The following DNAH10 variants were observed in gnomAD, a reference collection of about 807,000 sequenced individuals.
DNAH10 encodes axonemal beta dynein heavy chain 10.
Under a neutral mutation model 506.6 loss-of-function variants are expected in DNAH10, and 348 were observed. The ratio of observed to expected loss-of-function variants is 0.69; its 90% CI spans 0.63 to 0.75. The LOEUF (loss-of-function observed/expected upper bound fraction) is 0.75. DNAH10 is among the 30% of genes least tolerant of loss of function. The probability of loss-of-function intolerance (pLI) is 0.00; values close to 1 mark genes in which losing one functional copy is unlikely to be tolerated. For missense variants in DNAH10, 5,179 were observed against 5,787.1 expected, an observed-to-expected ratio of 0.89 and a Z score of 3.41; for synonymous variants, 2,059 against 2,198.6, an observed-to-expected ratio of 0.94 and a Z score of 1.78.
Position 123,928,851 on chromosome 12 carries a change from T to C in DNAH10, c.12306+264T>C. ...ATATCTACGCTACTTTTCATAAACTTCACGGCCCCCCCCCCCACACACAGC... is the reference window on the plus strand; with the variant it reads ...ATATCTACGCTACTTTTCATAAACTCCACGGCCCCCCCCCCCACACACAGC... On this transcript the variant is annotated intron_variant, in intron 70 of 78. Transcript: ENST00000673944. This position sits in a 1 kb window ranked among gnomAD's most constrained non-coding sequence, Gnocchi z 4.9. 2.1e-6 allele frequency: 1 copy of C among 482,642 alleles called. No individual in the cohort carries two copies. The allele number at this position is 482,642 out of a possible 1,614,324, so 29.9% of individuals were successfully genotyped here.
intron 51 of DNAH10, among the ~76,000 whole-genome samples, chr12:123,885,938 G>A (rs1379258624): frequency 6.6e-6 from 1 of 152,094 alleles, no homozygotes; most frequent in African/African-American, 2.4e-5. Flanking sequence ...CTTTATATAG[G>A]AGAGCAATCA....
Position 123,812,576 on chromosome 12 carries a change from C to T in DNAH10, c.3145-588C>T, listed in dbSNP as rs1958983398. 2.0e-5 allele frequency among the ~76,000 whole-genome samples: 3 copies of T among 152,250 alleles called. No individual in the cohort carries two copies. In the South Asian group the frequency reaches 6.2e-4, roughly 32 times the overall value. On this transcript the variant is annotated intron_variant, in intron 19 of 78. Coordinates refer to ENST00000673944, the MANE Select transcript of DNAH10 (RefSeq NM_001372106.1). Reference sequence around the variant, plus strand: ...CAATTTGCCTGAATGTGTGTTTTTTCCTCTGTAAATATGGAAATAAAAGTT... The same window carrying T: ...CAATTTGCCTGAATGTGTGTTTTTTTCTCTGTAAATATGGAAATAAAAGTT...
intron 2 of DNAH10, among the ~76,000 whole-genome samples, chr12:123,770,039 G>A (rs1406093082): frequency 1.3e-5 from 2 of 151,302 alleles, no homozygotes; most frequent in Non-Finnish European, 2.9e-5. Flanking sequence ...TCAGGAGTTC[G>A]AGACTAGCCC....
intron 54 of DNAH10, among the ~76,000 whole-genome samples, chr12:123,896,895 T>C (rs1953275306): frequency 6.6e-6 from 1 of 152,206 alleles, no homozygotes; most frequent in Non-Finnish European, 1.5e-5. Flanking sequence ...GAAATGTACA[T>C]GTGGCACTAA....
chr12:123,886,698 G>A (rs993206774), intron 51 of DNAH10, among the ~76,000 whole-genome samples: 1 of 149,518 alleles, frequency 6.7e-6, no homozygotes, highest in Non-Finnish European at 1.5e-5. Flanking sequence ...ACAGTCGCTG[G>A]TTGCAATGAA....
At chr12:123,823,816 C>T (rs1959684908) in intron 24 of DNAH10, among the ~76,000 whole-genome samples, 1 of 152,078 alleles carries the variant, frequency 6.6e-6, no homozygotes, top group African/African-American at 2.4e-5. Context: ...TATAGTCACC[C>T]TGCCATGCTA....
rs944001700 is a variant in DNAH10, at chr12:123,768,572, G to T, written c.298+883G>T. 2.6e-5 allele frequency among the ~76,000 whole-genome samples: 4 copies of T among 152,118 alleles called. No individual in the cohort carries two copies. In the South Asian group the frequency reaches 6.2e-4, roughly 24 times the overall value. On this transcript the variant is annotated intron_variant, in intron 2 of 78. Coordinates refer to ENST00000673944, the MANE Select transcript of DNAH10 (RefSeq NM_001372106.1). ...GTCACAGCTTTAGGACATGCATTGT[G>T]GGGGACACTCTTCAACCGAGTGTAG...
In DNAH10 at chr12:123,908,989, G is replaced by A. The variant is rs80308427; in HGVS notation, c.9816-272G>A. ...CTGCCCCCTAACCACTGATCCAGAC[G>A]CTCCGGGGACGGCCTGGGTTTGTAT... is the stretch of plus-strand genomic sequence containing the variant. On this transcript the variant is annotated intron_variant, in intron 57 of 78. Coordinates refer to ENST00000673944, the MANE Select transcript of DNAH10 (RefSeq NM_001372106.1). Among the ~76,000 whole-genome samples, 19 of 152,252 alleles carry A rather than the reference G, an allele frequency of 1.2e-4. 1 individual carries two copies. In the East Asian group the frequency reaches 2.9e-3, roughly 23 times the overall value.
intron 11 of DNAH10, among the ~76,000 whole-genome samples, chr12:123,793,400 G>A (rs550917301): frequency 3.7e-4 from 54 of 147,664 alleles, no homozygotes; most frequent in South Asian, 1.7e-3. Context: ...GTGCAGTGGC[G>A]CCATCTCGGC....
At position 123,928,541 on chromosome 12, in the gene DNAH10, A is replaced by T; in HGVS notation, c.12260A>T (p.Asp4087Val). Residue 4087 changes from aspartate (D) to valine (V), a missense_variant, in exon 70 of 79, where the codon GAC becomes GTC. Asp to Val is a radical substitution (Grantham distance 152). Transcript: ENST00000673944. The surrounding 1 kb of genome is among the most constrained non-coding windows in gnomAD (Gnocchi z 4.9). ...GACTTCCGCCTGTGGCTCACCACGG[A>T]CCCCACCAAGGGCTTCCCCATTGGG... is the stretch of plus-strand genomic sequence containing the variant. ...HPDFRLWLTT[D>V]PTKGFPIGIL... is the part of the protein sequence containing the mutation. 1 of 1,610,474 alleles carries T rather than the reference A, an allele frequency of 6.2e-7. No homozygotes were observed. The highest frequency in any genetic ancestry group is 8.5e-7 in the Non-Finnish European group (1 of 1,178,482).
chr12:123,904,888 C>T (rs570885151), intron 57 of DNAH10, among the ~76,000 whole-genome samples: 27 of 152,150 alleles, frequency 1.8e-4, no homozygotes, highest in Non-Finnish European at 3.2e-4. Flanking sequence ...GAAAAGCCCA[C>T]GGCCACTGTG....
chr12:123,837,178 C>CA (rs376403371), intron 28 of DNAH10, among the ~76,000 whole-genome samples: 44,347 of 92,414 alleles, frequency 0.48, 8,839 homozygotes, highest in Non-Finnish European at 0.56. Flanking sequence ...ACTAAAAATA[C>CA]AAAAAAAAAA....
chr12:123,914,262 T>A, intron 60 of DNAH10, 67 bp from the exon 61 acceptor site: 1 of 1,459,130 alleles, frequency 6.9e-7, no homozygotes. Flanking sequence ...CTGGTTCTTC[T>A]GGAATGTTCC....
chr12:123,798,152 G>A (rs554966080), intron 13 of DNAH10, among the ~76,000 whole-genome samples: 1 of 152,270 alleles, frequency 6.6e-6, no homozygotes, highest in African/African-American at 2.4e-5. Flanking sequence ...AGAGACCAAG[G>A]CAGTTCATGG....
intron 24 of DNAH10, among the ~76,000 whole-genome samples, chr12:123,824,948 C>T (rs997638409): frequency 2.6e-5 from 4 of 152,070 alleles, no homozygotes; most frequent in African/African-American, 7.2e-5. Context: ...CAGCCCGGTA[C>T]ACTTGGGAGT....
chr12:123,899,782 TAGTTTA>T (rs1953432934), intron 56 of DNAH10, among the ~76,000 whole-genome samples: 1 of 152,240 alleles, frequency 6.6e-6, no homozygotes, highest in Non-Finnish European at 1.5e-5. Context: ...GAGGCGCCTC[TAGTTTA>T]TGTGTTTCAG....
At chr12:123,911,150 T>A (rs1311061437) in intron 59 of DNAH10, among the ~76,000 whole-genome samples, 1 of 141,784 alleles carries the variant, frequency 7.1e-6, no homozygotes, top group East Asian at 2.1e-4. Flanking sequence ...CCAGCCTAGG[T>A]GACAGAGTGA....
At chr12:123,808,659 C>T in intron 18 of DNAH10, 138 bp from the exon 19 acceptor site, 1 of 803,876 alleles carries the variant, frequency 1.2e-6, no homozygotes, top group East Asian at 2.5e-5. Context: ...AGACTCACCC[C>T]AGCCTGTCTA....
At chr12:123,763,854 G>T (rs1350056512) in intron 1 of DNAH10, among the ~76,000 whole-genome samples, 2 of 142,044 alleles carry the variant, frequency 1.4e-5, no homozygotes, top group Non-Finnish European at 3.1e-5. Flanking sequence ...TTAGCCATCT[G>T]GCACCTGGCC....
Sources: allele counts gnomAD v4.1 joint callset (sites outside exome capture counted in the v4.1 genomes callset), GRCh38; gene constraint gnomAD v4.1.1; non-coding constraint Gnocchi (gnomAD v3.1); transcripts MANE v1.5; gene names NCBI Gene and HGNC (gene_info 2026-07-23, HGNC 2026-07-21).